Variants in MSI1 observed in about 807,000 individuals in gnomAD.
MSI1 encodes the protein RNA-binding protein Musashi homolog 1.
In MSI1, 15 loss-of-function variants were observed where a neutral mutation model predicts 54.4. The ratio of observed to expected loss-of-function variants is 0.28; its 90% CI spans 0.18 to 0.42. MSI1 has a LOEUF of 0.42. MSI1 is among the 20% of genes least tolerant of loss of function. MSI1 has a pLI of 1.00. For synonymous variants in MSI1, 200 were observed against 196.5 expected (o/e 1.02, Z -0.15); for missense variants, 304 against 506.0 (o/e 0.60, Z 3.83).
intron 5 of MSI1, among the ~76,000 whole-genome samples, chr12:120,364,194 G>A (rs1875872790): frequency 6.6e-6 from 1 of 152,214 alleles, no homozygotes; most frequent in African/African-American, 2.4e-5. Flanking sequence ...CAGAGCAGCA[G>A]GGTAAGAGAG....
chr12:120,361,698 C>A (rs1269775877), intron 6 of MSI1, among the ~76,000 whole-genome samples: 3 of 151,352 alleles, frequency 2.0e-5, no homozygotes, highest in African/African-American at 4.8e-5. Context: ...ATTGTTCCCC[C>A]CTCGGCGGCG....
In MSI1 at chr12:120,368,034, A is replaced by C; in HGVS notation, c.241T>G (p.Ser81Ala). 1 of 1,613,208 alleles carries C rather than the reference A, an allele frequency of 6.2e-7. No homozygotes were observed. Among genetic ancestry groups the C allele is most frequent in the Non-Finnish European group, 8.5e-7 (1 of 1,179,708 alleles). The change falls in exon 4 of 15, where the codon TCG becomes GCG. Residue 81 changes from serine (S) to alanine (A), a missense_variant. Around this residue, in one of 4 missense-constraint regions of MSI1, gnomAD observed 105 missense variants for 230.1 expected, o/e 0.46. Transcript: ENST00000257552. This position sits in a 1 kb window ranked among gnomAD's most constrained non-coding sequence, Gnocchi z 6.6. ...GTTTTGGAGTCGAGCTCGTGCCGCG[A>C]TTGCGCCAGCACTTTATCCACCCCC... is the stretch of plus-strand genomic sequence containing the variant. ...QAGVDKVLAQ[S>A]RHELDSKTID...
chr12:120,368,873 G>A lies in MSI1; in HGVS notation c.60C>T (p.Cys20=), dbSNP rs536593530. Residue 20 remains cysteine, a splice_region_variant and synonymous_variant, in exon 2 of 15, where the codon TGC becomes TGT. Transcript: ENST00000257552. This position sits in a 1 kb window ranked among gnomAD's most constrained non-coding sequence, Gnocchi z 6.6. The stretch of plus-strand genomic sequence containing the variant: ...AACTGAGTCCCCCGATGAACATCTT[G>A]CTGCGGGAGGAGGAGAGACACAAAG... ...LASPDSPHDP[C]KMFIGGLSWQ... is the part of the protein sequence containing the mutation. 274 of 1,468,458 alleles carry A rather than the reference G, an allele frequency of 1.9e-4. 2 individuals are homozygous for A. The South Asian group carries it at 3.3e-3, about 18-fold the overall frequency. 91.0% of individuals were successfully genotyped at this position (1,468,458 alleles called of 1,614,324 possible). A position where few individuals can be genotyped will look rare whatever the true frequency, so the allele number is the denominator to read the frequency against.
intron 12 of MSI1, among the ~76,000 whole-genome samples, chr12:120,346,881 T>C (rs1257534545): frequency 6.6e-6 from 1 of 152,052 alleles, no homozygotes; most frequent in Non-Finnish European, 1.5e-5. Flanking sequence ...ATCAGCATTA[T>C]TGCCTTTTTA....
intron 7 of MSI1, 76 bp from the exon 8 acceptor site, chr12:120,357,974 A>C: frequency 8.3e-7 from 1 of 1,211,238 alleles, no homozygotes; most frequent in Non-Finnish European, 1.2e-6. Context: ...GGTCGTACCA[A>C]TATCCCCGCT....
rs1408315162 is a variant in MSI1, at chr12:120,342,863, A to G, written c.*264T>C. 1 of 149,076 alleles carries G rather than the reference A, an allele frequency of 6.7e-6. No individual in the cohort carries two copies. Among genetic ancestry groups the G allele is most frequent in the East Asian group, 2.0e-4 (1 of 5,036 alleles). The allele number at this position is 149,076 out of a possible 1,614,324, so 9.2% of individuals were successfully genotyped here. ...GCTGGGGTGGGCAACCGGCTAATCCAAAATAAATAAAAGCAGGGCCGGGAG... is the reference window on the plus strand; with the variant it reads ...GCTGGGGTGGGCAACCGGCTAATCCGAAATAAATAAAAGCAGGGCCGGGAG... On this transcript the variant is annotated 3_prime_UTR_variant, in exon 15 of 15. Transcript: ENST00000257552.
intron 9 of MSI1, among the ~76,000 whole-genome samples, chr12:120,356,626 G>A (rs949502937): frequency 6.6e-6 from 1 of 152,250 alleles, no homozygotes; most frequent in Non-Finnish European, 1.5e-5. Flanking sequence ...TGGACAGATG[G>A]AGGGATGGAT....
downstream of MSI1, among the ~76,000 whole-genome samples, chr12:120,340,089 C>CTTTTTTTTTTTTT (rs11399604): frequency 6.9e-6 from 1 of 144,734 alleles, no homozygotes. Flanking sequence ...GCCAAAATAG[C>CTTTTTTTTTTTTT]TTTTTTTTTT....
At chr12:120,340,089 C>CTTTT (rs11399604), downstream of MSI1, among the ~76,000 whole-genome samples, 1 of 144,734 alleles carries the variant, frequency 6.9e-6, no homozygotes. Flanking sequence ...GCCAAAATAG[C>CTTTT]TTTTTTTTTT....
At chr12:120,353,948 G>A (rs1005407567) in intron 9 of MSI1, among the ~76,000 whole-genome samples, 1 of 152,126 alleles carries the variant, frequency 6.6e-6, no homozygotes, top group Admixed American at 6.6e-5. Flanking sequence ...TCTTAGTACT[G>A]ATGATCATTA....
At chr12:120,347,358 A>T (rs1178565589) in intron 12 of MSI1, 88 bp downstream of exon 12, 1 of 1,433,208 alleles carries the variant, frequency 7.0e-7, no homozygotes. Flanking sequence ...CCCTCTGCAA[A>T]GGGGTGGCAG....
chr12:120,354,555 C>A (rs1874912812), intron 9 of MSI1, among the ~76,000 whole-genome samples: 1 of 152,182 alleles, frequency 6.6e-6, no homozygotes, highest in Admixed American at 6.5e-5. Flanking sequence ...CCTAAGCCTC[C>A]CGAGGAGCTG....
Position 120,368,843 on chromosome 12 carries a change from C to A in MSI1, c.90G>T (p.Gln30His). Residue 30 changes from glutamine to histidine, a missense_variant, in exon 2 of 15, where the codon CAG becomes CAT. By Grantham distance (24) the Gln-to-His change is conservative. This residue lies in a region of MSI1 where 105 missense variants were observed against 230.1 expected (regional missense o/e 0.46). Transcript: ENST00000257552. This position sits in a 1 kb window ranked among gnomAD's most constrained non-coding sequence, Gnocchi z 6.6. ...CCCGGGCTCGCTCACCCTGCGTAGT[C>A]TGCCAACTGAGTCCCCCGATGAACA... ...CKMFIGGLSW[Q>H]TTQEGLREYF... The A allele has an allele frequency of 6.8e-7, 1 of 1,465,108 alleles. No homozygotes were observed. The highest frequency in any genetic ancestry group is 9.1e-7 in the Non-Finnish European group (1 of 1,097,994). The allele number at this position is 1,465,108 out of a possible 1,614,324, so 90.8% of individuals were successfully genotyped here. A position where few individuals can be genotyped will look rare whatever the true frequency, so the allele number is the denominator to read the frequency against.
chr12:120,352,923 C>CTAAT (rs1874753451), intron 10 of MSI1, among the ~76,000 whole-genome samples: 1 of 152,152 alleles, frequency 6.6e-6, no homozygotes, highest in Non-Finnish European at 1.5e-5. Flanking sequence ...AGAGCCTGGC[C>CTAAT]ATTATAGGTG....
intron 6 of MSI1, among the ~76,000 whole-genome samples, chr12:120,361,820 G>T (rs1373632481): frequency 1.3e-5 from 2 of 151,848 alleles, no homozygotes; most frequent in Non-Finnish European, 2.9e-5. Flanking sequence ...CCCCGGGCCG[G>T]TTTCACATGC....
At chr12:120,348,589 A>G (rs1240485663) in intron 11 of MSI1, among the ~76,000 whole-genome samples, 1 of 151,070 alleles carries the variant, frequency 6.6e-6, no homozygotes, top group South Asian at 2.1e-4. Flanking sequence ...TTGTAAAGAT[A>G]GGGTCTTGGA....
In MSI1 at chr12:120,368,009, G is replaced by A. The variant is rs766509915; in HGVS notation, c.266C>T (p.Thr89Ile). 1 of 1,610,828 alleles carries A rather than the reference G, an allele frequency of 6.2e-7. No individual in the cohort carries two copies. The highest frequency in any genetic ancestry group is 8.5e-7 in the Non-Finnish European group (1 of 1,178,574). ...CCCGAAGCCCCGAGGGCCACTCACT[G>A]TTTTGGAGTCGAGCTCGTGCCGCGA... ...AQSRHELDSK[T>I]IDPKVAFPRR... The change falls in exon 4 of 15, where the codon ACA becomes ATA. Residue 89 changes from threonine (T) to isoleucine (I), a missense_variant and splice_region_variant. Thr to Ile is a moderately conservative substitution (Grantham distance 89). Transcript: ENST00000257552. The surrounding 1 kb of genome is among the most constrained non-coding windows in gnomAD (Gnocchi z 6.6).
At chr12:120,347,712 G>A (rs370327828) in intron 11 of MSI1, among the ~76,000 whole-genome samples, 198 bp from the exon 12 acceptor site, 8 of 152,292 alleles carry the variant, frequency 5.3e-5, no homozygotes, top group African/African-American at 1.9e-4. Flanking sequence ...GGAAAAAGGT[G>A]GGAGAGAGGA....
chr12:120,357,924 C>G, intron 7 of MSI1, 26 bp from the exon 8 acceptor site: 1 of 1,610,492 alleles, frequency 6.2e-7, no homozygotes, highest in East Asian at 2.2e-5. Context: ...AGGATAAAGG[C>G]AAGGTCAGAA....
Sources: allele counts gnomAD v4.1 joint callset (sites outside exome capture counted in the v4.1 genomes callset), GRCh38; gene constraint gnomAD v4.1.1; regional missense constraint gnomAD v4.1.1; non-coding constraint Gnocchi (gnomAD v3.1); transcripts MANE v1.5; gene names NCBI Gene and HGNC (gene_info 2026-07-23, HGNC 2026-07-21).